NNT: variants seen among roughly 807,000 people sequenced by gnomAD.
The protein encoded by NNT is NAD(P) transhydrogenase, mitochondrial.
In NNT, 50 loss-of-function variants were observed where a neutral mutation model predicts 104.8. The observed-to-expected ratio is 0.48, with a 90% CI of 0.38 to 0.60. The LOEUF (loss-of-function observed/expected upper bound fraction) is 0.60, where lower values mean the gene tolerates loss of function less well. Among genes scored for constraint, NNT ranks in the 20% least tolerant of loss-of-function variants. The pLI is 0.00. For missense variants in NNT, 1,131 were observed against 1,330.7 expected, an observed-to-expected ratio of 0.85 and a Z score of 2.33; for synonymous variants, 461 against 490.4, an observed-to-expected ratio of 0.94 and a Z score of 0.79.
intron 17 of NNT, among the ~76,000 whole-genome samples, chr5:43,673,243 A>G (rs1741227251): frequency 1.3e-5 from 2 of 152,170 alleles, no homozygotes; most frequent in South Asian, 4.1e-4. Flanking sequence ...AGGTGAGGCA[A>G]TGCCTCGCCC....
At chr5:43,638,593 C>T (rs1356115869) in intron 7 of NNT, among the ~76,000 whole-genome samples, 2 of 150,614 alleles carry the variant, frequency 1.3e-5, no homozygotes, top group Non-Finnish European at 3.0e-5. Context: ...TTAATAGATT[C>T]TATAATTCAT....
chr5:43,675,343 A>G (rs765628440), intron 17 of NNT, among the ~76,000 whole-genome samples, 168 bp from the exon 18 acceptor site: 1 of 152,116 alleles, frequency 6.6e-6, no homozygotes, highest in Non-Finnish European at 1.5e-5. Context: ...TGTCATTTCA[A>G]TTTTTGAAGT....
intron 19 of NNT, among the ~76,000 whole-genome samples, chr5:43,698,893 A>T (rs1742703800): frequency 6.8e-6 from 1 of 147,580 alleles, no homozygotes; most frequent in African/African-American, 2.6e-5. Flanking sequence ...ATATATATAC[A>T]CTACATATAT....
chr5:43,651,880 A>T lies in NNT; in HGVS notation c.1859A>T (p.Glu620Val). 1 of 1,613,860 alleles carries T rather than the reference A, an allele frequency of 6.2e-7. No homozygotes were observed. The highest frequency in any genetic ancestry group is 8.5e-7 in the Non-Finnish European group (1 of 1,179,952). The change falls in exon 13 of 22, where the codon GAA (glutamate) becomes GTA (valine). Residue 620 changes from glutamate (E) to valine (V), a missense_variant. Physicochemically the swap from Glu to Val is moderately radical, Grantham distance 121 (BLOSUM62 -2). Transcript: ENST00000344920. ...LAALYSGYNI[E>V]QIMYLGSGLC... Reference sequence around the variant, plus strand: ...GCCCTCTACAGTGGTTATAACATTGAACAGGTAAGATGCTCTTTGTAAGTT... The same window carrying T: ...GCCCTCTACAGTGGTTATAACATTGTACAGGTAAGATGCTCTTTGTAAGTT...
At chr5:43,646,322 G>C (rs1424791266) in intron 10 of NNT, among the ~76,000 whole-genome samples, 1 of 151,938 alleles carries the variant, frequency 6.6e-6, no homozygotes, top group East Asian at 1.9e-4. Context: ...ATCTTTTTTT[G>C]TTGCTCAGGT....
At chr5:43,642,172 C>A (rs907598605) in intron 7 of NNT, among the ~76,000 whole-genome samples, 1 of 152,142 alleles carries the variant, frequency 6.6e-6, no homozygotes, top group Non-Finnish European at 1.5e-5. Context: ...CTGTGCTAAA[C>A]AACAGCTGAT....
In NNT at chr5:43,702,713, C is replaced by T; in HGVS notation, c.3088C>T (p.Leu1030Phe). 1 of 1,611,440 alleles carries T rather than the reference C, an allele frequency of 6.2e-7. No individual in the cohort carries two copies. Among genetic ancestry groups the T allele is most frequent in the Non-Finnish European group, 8.5e-7 (1 of 1,178,676 alleles). The change falls in exon 21 of 22, where the codon CTT (leucine) becomes TTT (phenylalanine). Residue 1030 changes from leucine to phenylalanine, a missense_variant. By Grantham distance (22) the Leu-to-Phe change is conservative. Coordinates refer to ENST00000344920, the MANE Select transcript of NNT (RefSeq NM_182977.3). Reference sequence around the variant, plus strand: ...CTCTATTATTGCAGGCATGCCAGTCCTTGAGGTCTGGAAATCAAAGCAGGT... The same window carrying T: ...CTCTATTATTGCAGGCATGCCAGTCTTTGAGGTCTGGAAATCAAAGCAGGT... ...PNSIIAGMPV[L>F]EVWKSKQVIV...
chr5:43,648,939 G>T (rs35023717), intron 10 of NNT, among the ~76,000 whole-genome samples: 5,130 of 152,024 alleles, frequency 0.034, 134 homozygotes, highest in East Asian at 0.12. Context: ...GCTTATTTTG[G>T]GGGGGTGGTC....
At chr5:43,674,675 G>GT (rs201977599) in intron 17 of NNT, among the ~76,000 whole-genome samples, 1 of 151,958 alleles carries the variant, frequency 6.6e-6, no homozygotes, top group Non-Finnish European at 1.5e-5. Flanking sequence ...AGAACAACTA[G>GT]TTTTTTTTCC....
intron 17 of NNT, among the ~76,000 whole-genome samples, chr5:43,672,389 C>T (rs1438608601): frequency 1.3e-5 from 2 of 152,214 alleles, no homozygotes; most frequent in African/African-American, 2.4e-5. Context: ...AGCTTTTCTG[C>T]TCTGTATTTT....
intron 19 of NNT, among the ~76,000 whole-genome samples, chr5:43,686,451 G>A (rs572969490): frequency 1.3e-5 from 2 of 151,900 alleles, no homozygotes; most frequent in African/African-American, 4.8e-5. Flanking sequence ...ATAATTATTG[G>A]CCTCAATCTA....
At chr5:43,659,078 G>A (rs1162526417) in intron 16 of NNT, 93 bp from the exon 17 acceptor site, 3 of 1,275,544 alleles carry the variant, frequency 2.4e-6, no homozygotes, top group Middle Eastern at 2.8e-4. Context: ...ATATTAATGG[G>A]AAAACTAGAA....
chr5:43,701,763 T>C (rs1202877301), intron 20 of NNT, among the ~76,000 whole-genome samples: 1 of 152,186 alleles, frequency 6.6e-6, no homozygotes, highest in Non-Finnish European at 1.5e-5. Flanking sequence ...TTTTTACTAA[T>C]AGCTGTTCTG....
In NNT at chr5:43,644,685, C is replaced by T; in HGVS notation, c.1173C>T (p.Asn391=). ...AGGCCAGCACCCTATATTCCAACAA[C>T]ATCACCAAACTCCTGAAGGCCATCA... ...ATQASTLYSN[N]ITKLLKAISP... is the part of the protein sequence containing the mutation. The change falls in exon 9 of 22, where the codon AAC becomes AAT. Residue 391 remains asparagine (N), a synonymous_variant. Transcript: ENST00000344920. 1 of 1,614,196 alleles carries T rather than the reference C, an allele frequency of 6.2e-7. No homozygotes were observed. Among genetic ancestry groups the T allele is most frequent in the Non-Finnish European group, 8.5e-7 (1 of 1,180,016 alleles).
chr5:43,605,472 C>T (rs1254324212), intron 1 of NNT, among the ~76,000 whole-genome samples: 4 of 139,668 alleles, frequency 2.9e-5, no homozygotes, highest in Non-Finnish European at 4.6e-5. Context: ...GCCGAGATTG[C>T]GCCACTGCAG....
rs1476491945 is a variant in NNT at position 43,651,710 on chromosome 5, A to G, written c.1718-29A>G. ...TGCTCAGTGAGCTCAAAGAGGTACTATGTTTTTTATTTCCTTTGGTTTGCT... is the reference window on the plus strand; with the variant it reads ...TGCTCAGTGAGCTCAAAGAGGTACTGTGTTTTTTATTTCCTTTGGTTTGCT... On this transcript the variant is annotated intron_variant, in intron 12 of 21. Coordinates refer to ENST00000344920, the MANE Select transcript of NNT (RefSeq NM_182977.3). The G allele has an allele frequency of 3.1e-6, 5 of 1,612,656 alleles. No homozygotes were observed. The Admixed American group carries it at 5.0e-5, about 16-fold the overall frequency.
chr5:43,691,783 T>G (rs1295376576), intron 19 of NNT, among the ~76,000 whole-genome samples: 1 of 152,254 alleles, frequency 6.6e-6, no homozygotes, highest in Non-Finnish European at 1.5e-5. Context: ...CTTCCATTAT[T>G]ATTCAAAAAT....
intron 2 of NNT, 45 bp downstream of exon 2, chr5:43,609,391 A>G: frequency 6.3e-7 from 1 of 1,578,746 alleles, no homozygotes; most frequent in Middle Eastern, 1.7e-4. Flanking sequence ...TTCAAGTCAT[A>G]GGAACTAATA....
chr5:43,698,190 ATATATT>A (rs1561332565), intron 19 of NNT, among the ~76,000 whole-genome samples: 1 of 151,806 alleles, frequency 6.6e-6, no homozygotes, highest in African/African-American at 2.4e-5. Context: ...TTAAGACTGA[ATATATT>A]AATATATGAA....
Sources: allele counts gnomAD v4.1 joint callset (sites outside exome capture counted in the v4.1 genomes callset), GRCh38; gene constraint gnomAD v4.1.1; transcripts MANE v1.5; gene names NCBI Gene and HGNC (gene_info 2026-07-23, HGNC 2026-07-21).